PVT1: variants seen among roughly 807,000 people sequenced by gnomAD.
PVT1 encodes Pvt1 oncogene.
At chr8:127,812,060 A>G (rs1422707450) in intron 2 of PVT1, among the ~76,000 whole-genome samples, 2 of 150,872 alleles carry the variant, frequency 1.3e-5, no homozygotes, top group Non-Finnish European at 2.9e-5. Context: ...AGTAAGCTGT[A>G]GTTGCACCAC....
intron 2 of PVT1, among the ~76,000 whole-genome samples, chr8:127,880,918 G>A (rs943172229): frequency 1.3e-5 from 2 of 152,204 alleles, no homozygotes; most frequent in Non-Finnish European, 2.9e-5. Flanking sequence ...TTTCTTAAGC[G>A]ATGTTGAGTT....
rs116129241 is a variant in PVT1 at position 127,840,107 on chromosome 8, A to G, written n.372+44036A>G. Among the ~76,000 whole-genome samples the G allele has an allele frequency of 2.2e-3, 335 of 152,308 alleles. 2 individuals are homozygous for G. The highest frequency in any genetic ancestry group is 7.9e-3 in the African/African-American group (327 of 41,576). ...AGAGGAGTGAGCAGGTAAAGGGGGT[A>G]GAAGGTGAAGTCAGAGAGGCCGGGG... On this transcript the variant is annotated intron_variant and non_coding_transcript_variant, in intron 2 of 10. Coordinates refer to ENST00000651587, the Ensembl canonical transcript of PVT1.
intron 2 of PVT1, among the ~76,000 whole-genome samples, chr8:127,801,024 C>G (rs1814459116): frequency 6.6e-6 from 1 of 152,098 alleles, no homozygotes; most frequent in South Asian, 2.1e-4. Flanking sequence ...ACAGGCGTTT[C>G]AGGCTCTGGG....
chr8:127,876,037 C>A (rs1398253268), intron 2 of PVT1, among the ~76,000 whole-genome samples: 1 of 152,258 alleles, frequency 6.6e-6, no homozygotes, highest in Non-Finnish European at 1.5e-5. Context: ...CACCCCCCCT[C>A]ACCCTCAGCC....
intron 2 of PVT1, among the ~76,000 whole-genome samples, chr8:127,865,194 A>G (rs909960985): frequency 6.6e-6 from 1 of 152,196 alleles, no homozygotes; most frequent in African/African-American, 2.4e-5. Context: ...GGTTGAAATC[A>G]TCCAGGGGTC....
chr8:127,924,636 T>C lies in PVT1; in HGVS notation n.782+33638T>C, dbSNP rs1586438403. On this transcript the variant is annotated intron_variant and non_coding_transcript_variant, in intron 3 of 10. Coordinates refer to ENST00000651587, the Ensembl canonical transcript of PVT1. ...ATGCCATTCTCCTGCCTCAGCCTCC[T>C]GAGTAGCTGGGACTACAGGCGCCCA... is the stretch of plus-strand genomic sequence containing the variant. Among the ~76,000 whole-genome samples, 3 of 151,680 alleles carry C rather than the reference T, an allele frequency of 2.0e-5. No individual in the cohort carries two copies. The South Asian group carries it at 6.3e-4, about 32-fold the overall frequency.
chr8:128,058,608 A>G (rs1191755760), intron 4 of PVT1, among the ~76,000 whole-genome samples: 1 of 152,238 alleles, frequency 6.6e-6, no homozygotes, highest in African/African-American at 2.4e-5. Flanking sequence ...CATTTAGGAA[A>G]TGAATTCAAC....
intron 3 of PVT1, among the ~76,000 whole-genome samples, chr8:127,951,598 C>T (rs1001588021): frequency 6.6e-6 from 1 of 152,184 alleles, no homozygotes; most frequent in Non-Finnish European, 1.5e-5. Context: ...AACAGCAAGC[C>T]TCCCCCGGTC....
intron 2 of PVT1, among the ~76,000 whole-genome samples, chr8:127,889,189 G>T (rs1815568030): frequency 6.6e-6 from 1 of 150,728 alleles, no homozygotes; most frequent in African/African-American, 2.4e-5. Flanking sequence ...GAATGCAGTG[G>T]TGTGATCTTG....
chr8:127,887,233 C>T (rs1815533599), intron 2 of PVT1, among the ~76,000 whole-genome samples: 1 of 152,178 alleles, frequency 6.6e-6, no homozygotes, highest in African/African-American at 2.4e-5. Context: ...TGCAGCAACA[C>T]CATCTGAGTG....
At chr8:127,806,949 A>T (rs1814535608) in intron 2 of PVT1, among the ~76,000 whole-genome samples, 1 of 152,190 alleles carries the variant, frequency 6.6e-6, no homozygotes, top group South Asian at 2.1e-4. Context: ...TCTCCATTTG[A>T]AGAGCATCTG....
chr8:127,948,029 T>C, intron 3 of PVT1: 1 of 407,234 alleles, frequency 2.5e-6, no homozygotes, highest in East Asian at 7.1e-5. Flanking sequence ...CTGCTGTTGG[T>C]CTCATTTGTT....
intron 3 of PVT1, among the ~76,000 whole-genome samples, chr8:127,964,504 T>G (rs1210980679): frequency 1.3e-5 from 2 of 152,214 alleles, no homozygotes; most frequent in African/African-American, 4.8e-5. Flanking sequence ...TATTGTTTTT[T>G]TGTGGCTGCA....
rs1344544081 is a variant in PVT1 at position 128,000,232 on chromosome 8, G to C, written n.912+10941G>C. On this transcript the variant is annotated intron_variant and non_coding_transcript_variant, in intron 4 of 10. Transcript: ENST00000651587. ...TGGGACCCGAGGCACACAGAATGAG[G>C]ATGAAACAGTTGACGTATCATGTAG... 3.3e-5 allele frequency among the ~76,000 whole-genome samples: 5 copies of C among 152,200 alleles called. 2 individuals carry two copies.
At chr8:127,925,386 G>A (rs1048126197) in intron 3 of PVT1, among the ~76,000 whole-genome samples, 5 of 152,178 alleles carry the variant, frequency 3.3e-5, no homozygotes, top group African/African-American at 1.2e-4. Flanking sequence ...CCAGCATCAT[G>A]TGATTAAGGC....
At chr8:127,875,689 G>C (rs1815397439) in intron 2 of PVT1, among the ~76,000 whole-genome samples, 1 of 151,964 alleles carries the variant, frequency 6.6e-6, no homozygotes, top group Non-Finnish European at 1.5e-5. Context: ...CTATTTCCTA[G>C]TTCAGTGACC....
intron 3 of PVT1, among the ~76,000 whole-genome samples, chr8:127,986,164 C>T (rs1204236701): frequency 6.6e-6 from 1 of 152,220 alleles, no homozygotes; most frequent in Non-Finnish European, 1.5e-5. Context: ...TACGGCCCTG[C>T]CTCTCGGCCT....
At chr8:128,061,895 A>T (rs1045664622) in intron 4 of PVT1, among the ~76,000 whole-genome samples, 10 of 152,322 alleles carry the variant, frequency 6.6e-5, no homozygotes, top group South Asian at 2.1e-4. Flanking sequence ...CCGATTTTTT[A>T]AAAAAATGTA....
intron 2 of PVT1, among the ~76,000 whole-genome samples, chr8:127,813,971 C>T (rs148868810): frequency 6.6e-6 from 1 of 152,138 alleles, no homozygotes; most frequent in African/African-American, 2.4e-5. Flanking sequence ...TTAATAGAGA[C>T]GGGGTTTCGC....
Sources: gnomAD v4.1 joint callset for allele counts (sites outside exome capture counted in the v4.1 genomes callset) on GRCh38, gnomAD v4.1.1 for gene constraint, MANE v1.5 for transcripts, NCBI Gene and HGNC (gene_info 2026-07-23, HGNC 2026-07-21) for gene names.